CPS1: variants seen among roughly 807,000 people sequenced by gnomAD.
CPS1 encodes carbamoyl-phosphate synthase 1, also known as carbamoyl-phosphate synthase [ammonia], mitochondrial.
Under a neutral mutation model 174.6 loss-of-function variants are expected in CPS1, and 109 were observed. That is an observed-to-expected ratio of 0.62 (90% CI 0.53 to 0.73). CPS1 has a LOEUF of 0.73. Among genes scored for constraint, CPS1 ranks in the 30% least tolerant of loss-of-function variants. CPS1 has a pLI of 0.00. For synonymous variants in CPS1, 637 were observed against 632.0 expected (o/e 1.01, Z -0.12); for missense variants, 1,689 against 1,821.9 (o/e 0.93, Z 1.33).
chr2:210,582,847 C>G, intron 6 of CPS1, 138 bp downstream of exon 6: 1 of 702,332 alleles, frequency 1.4e-6, no homozygotes, highest in South Asian at 1.6e-5. Context: ...CTCATAGCAG[C>G]TAAAATACAC....
chr2:210,489,252 A>C (rs1478650886), intron 1 of CPS1, among the ~76,000 whole-genome samples: 2 of 152,208 alleles, frequency 1.3e-5, no homozygotes, highest in African/African-American at 4.8e-5. Context: ...CTTCTCTCCT[A>C]TCTCCTAATG....
intron 9 of CPS1, 36 bp from the exon 10 acceptor site, chr2:210,591,795 T>G: frequency 6.2e-7 from 1 of 1,606,234 alleles, no homozygotes. Context: ...TCTTCACTTT[T>G]CCTTTTCCCT....
At chr2:210,567,796 C>T (rs1697352037) in intron 1 of CPS1, among the ~76,000 whole-genome samples, 1 of 152,260 alleles carries the variant, frequency 6.6e-6, no homozygotes, top group African/African-American at 2.4e-5. Context: ...TCCTTACTTT[C>T]ATCTTCTATC....
intron 22 of CPS1, among the ~76,000 whole-genome samples, chr2:210,638,336 G>A (rs1043873077): frequency 8.5e-5 from 13 of 152,068 alleles, no homozygotes; most frequent in Admixed American, 2.6e-4. Flanking sequence ...GGCATAATGA[G>A]CTCATCTAGT....
intron 1 of CPS1, chr2:210,519,628 A>G (rs1190599160): frequency 2.8e-6 from 1 of 351,582 alleles, no homozygotes; most frequent in Non-Finnish European, 4.0e-6. Context: ...CCCTACATGG[A>G]TTTTGAACTT....
Position 210,600,677 on chromosome 2 carries a change from A to G in CPS1, c.1672A>G (p.Asn558Asp), listed in dbSNP as rs1239268441. 1.2e-6 allele frequency: 2 copies of G among 1,612,076 alleles called. No homozygotes were observed. Among genetic ancestry groups the G allele is most frequent in the Non-Finnish European group, 1.7e-6 (2 of 1,178,764 alleles). Reference sequence around the variant, plus strand: ...GTTTTCAGATAAACTAAATGAGATCAATGAAAAGATTGCTCCAAGTTTTGC... The same window carrying G: ...GTTTTCAGATAAACTAAATGAGATCGATGAAAAGATTGCTCCAAGTTTTGC... Reference protein sequence around the residue: ...QLFSDKLNEINEKIAPSFAVE... With the variant: ...QLFSDKLNEIDEKIAPSFAVE... The change falls in exon 15 of 38, where the codon AAT becomes GAT. Residue 558 changes from asparagine (N) to aspartate (D), a missense_variant. By Grantham distance (23) the Asn-to-Asp change is conservative (BLOSUM62 1). Transcript: ENST00000233072.
intron 28 of CPS1, among the ~76,000 whole-genome samples, chr2:210,650,889 T>C (rs113612213): frequency 0.044 from 6,723 of 152,268 alleles, 159 homozygotes; most frequent in Middle Eastern, 0.075. Context: ...TAGTCAAACA[T>C]GCAACTTTAA....
At chr2:210,524,109 C>T (rs1359389563) in intron 1 of CPS1, among the ~76,000 whole-genome samples, 2 of 151,972 alleles carry the variant, frequency 1.3e-5, no homozygotes, top group African/African-American at 4.8e-5. Context: ...TTCCCTTCTC[C>T]CAGCTTCCCC....
chr2:210,601,243 A>G (rs1283360893), intron 15 of CPS1, among the ~76,000 whole-genome samples: 1 of 151,922 alleles, frequency 6.6e-6, no homozygotes, highest in East Asian at 1.9e-4. Flanking sequence ...TCAATAAGCT[A>G]TTAACAGTTA....
rs1698265058 is a variant in CPS1, at chr2:210,590,718, AG to A, written c.841-80del. On this transcript the variant is annotated intron_variant, in intron 8 of 37. Transcript: ENST00000233072. ...ATTCTCTTTACCTTCTTAAGAAAAA[AG>A]GATACCTCATTTTTGTTCATTCAGA... The A allele has an allele frequency of 8.8e-6, 9 of 1,024,074 alleles. No homozygotes were observed. In the South Asian group the frequency reaches 1.2e-4, roughly 13 times the overall value. The allele number at this position is 1,024,074 out of a possible 1,614,324, so 63.4% of individuals were successfully genotyped here.
intron 28 of CPS1, 32 bp from the exon 29 acceptor site, chr2:210,653,993 A>G: frequency 6.4e-7 from 1 of 1,572,018 alleles, no homozygotes; most frequent in Non-Finnish European, 8.8e-7. Flanking sequence ...CGTTAGCTAA[A>G]TGTTCGGCTC....
At chr2:210,571,180 G>A (rs1403330732) in intron 1 of CPS1, among the ~76,000 whole-genome samples, 1 of 151,822 alleles carries the variant, frequency 6.6e-6, no homozygotes, top group African/African-American at 2.4e-5. Context: ...TTTGTGCTGA[G>A]TAACTCTAAA....
In CPS1 at chr2:210,497,918, A is replaced by ATC. The variant is rs1553718858; in HGVS notation, c.3+20155_3+20156dup. On this transcript the variant is annotated intron_variant, in intron 1 of 38. Coordinates refer to the CPS1 transcript ENST00000430249. The stretch of plus-strand genomic sequence containing the variant: ...CATATATATATATATATATATATAT[A>ATC]TCTCCAGTAATGCAGTCATGGGGTT... 2.8e-3 allele frequency among the ~76,000 whole-genome samples: 404 copies of ATC among 142,192 alleles called. 16 individuals carry two copies. Among genetic ancestry groups the ATC allele is most frequent in the African/African-American group, 9.6e-3 (366 of 38,024 alleles). 93.3% of individuals were successfully genotyped at this position (142,192 alleles called of 152,430 possible). A position where few individuals can be genotyped will look rare whatever the true frequency, so the allele number is the denominator to read the frequency against.
At chr2:210,505,872 T>C (rs578231792) in intron 1 of CPS1, among the ~76,000 whole-genome samples, 6 of 152,214 alleles carry the variant, frequency 3.9e-5, no homozygotes, top group African/African-American at 1.4e-4. Context: ...GGCTTGAGTA[T>C]GTAAAAAAAG....
At chr2:210,610,581 C>T (rs538379977) in intron 19 of CPS1, among the ~76,000 whole-genome samples, 2 of 151,840 alleles carry the variant, frequency 1.3e-5, no homozygotes, top group South Asian at 4.1e-4. Flanking sequence ...GTTGAGGAAG[C>T]CCATTATAGT....
At chr2:210,483,070 ATCT>A (rs1398568702) in intron 1 of CPS1, among the ~76,000 whole-genome samples, 2 of 152,180 alleles carry the variant, frequency 1.3e-5, no homozygotes, top group South Asian at 2.1e-4. Flanking sequence ...GTTTAATTTG[ATCT>A]TCTTCAGGTG....
At chr2:210,527,885 G>C (rs1696017954) in intron 1 of CPS1, among the ~76,000 whole-genome samples, 1 of 151,742 alleles carries the variant, frequency 6.6e-6, no homozygotes, top group African/African-American at 2.4e-5. Context: ...AGTGGGAGAA[G>C]GTTGCATCAG....
chr2:210,593,299 A>C, intron 11 of CPS1: 1 of 1,088,016 alleles, frequency 9.2e-7, no homozygotes, highest in Non-Finnish European at 1.2e-6. Context: ...GACTGAAATG[A>C]AATTTTAATC....
chr2:210,503,689 G>A (rs1018454438), intron 1 of CPS1, among the ~76,000 whole-genome samples: 1 of 152,080 alleles, frequency 6.6e-6, no homozygotes, highest in African/African-American at 2.4e-5. Context: ...TTCTTAGAAG[G>A]GTGAACACAT....
Sources: allele counts gnomAD v4.1 joint callset (sites outside exome capture counted in the v4.1 genomes callset), GRCh38; gene constraint gnomAD v4.1.1; transcripts MANE v1.5; gene names NCBI Gene and HGNC (gene_info 2026-07-23, HGNC 2026-07-21).